COL24A1: variants seen among roughly 807,000 people sequenced by gnomAD.
COL24A1 encodes the protein collagen type XXIV alpha 1 chain, also known as collagen alpha-1(XXIV) chain.
COL24A1 carries 224 observed loss-of-function variants against 253.9 expected under a neutral mutation model. The ratio of observed to expected loss-of-function variants is 0.88; its 90% confidence interval spans 0.79 to 0.99. The LOEUF is 0.99. Among genes scored for constraint, COL24A1 ranks in the 50% least tolerant of loss-of-function variants. The pLI is 0.00. For synonymous variants in COL24A1, 685 were observed against 673.7 expected (o/e 1.02, Z -0.26); for missense variants, 2,131 against 2,068.5 (o/e 1.03, Z -0.59).
intron 5 of COL24A1, among the ~76,000 whole-genome samples, chr1:86,109,612 C>A (rs897098075): frequency 2.0e-5 from 3 of 152,138 alleles, no homozygotes; most frequent in Non-Finnish European, 4.4e-5. Flanking sequence ...TTCTTAACCC[C>A]AATCTATATG....
chr1:85,941,540 T>C (rs1419869366), intron 24 of COL24A1, among the ~76,000 whole-genome samples: 1 of 152,196 alleles, frequency 6.6e-6, no homozygotes, highest in Non-Finnish European at 1.5e-5. Context: ...AACTCTACGA[T>C]TTTAACAATA....
chr1:85,854,335 G>A (rs773066478), intron 37 of COL24A1, among the ~76,000 whole-genome samples: 1 of 152,084 alleles, frequency 6.6e-6, no homozygotes, highest in Non-Finnish European at 1.5e-5. Flanking sequence ...AACTGTTTTT[G>A]TACCAGTACA....
At position 85,988,671 on chromosome 1, in the gene COL24A1, G is replaced by A. The variant is rs534992288; in HGVS notation, c.2311-1017C>T. Among the ~76,000 whole-genome samples, 15 of 152,152 alleles carry A rather than the reference G, an allele frequency of 9.9e-5. 1 individual carries two copies. The East Asian group carries it at 1.5e-3, about 16-fold the overall frequency. ...TAAAACGTGAACATCCACAAGAAAA[G>A]GTAGTTCAGTGAAGGGATAAGTTGT... is the stretch of plus-strand genomic sequence containing the variant. On this transcript the variant is annotated intron_variant, in intron 19 of 59. Coordinates refer to ENST00000370571, the MANE Select transcript of COL24A1 (RefSeq NM_152890.7).
chr1:85,917,837 TGGGACTACA>T (rs1429449799), intron 24 of COL24A1, among the ~76,000 whole-genome samples: 3 of 152,070 alleles, frequency 2.0e-5, no homozygotes, highest in African/African-American at 7.2e-5. Flanking sequence ...CCTGAGCAGC[TGGGACTACA>T]GGCATGCACC....
At chr1:86,085,271 T>C (rs1443013704) in intron 7 of COL24A1, among the ~76,000 whole-genome samples, 1 of 152,178 alleles carries the variant, frequency 6.6e-6, no homozygotes, top group Non-Finnish European at 1.5e-5. Flanking sequence ...GTGTACCTCC[T>C]ATGCAATGAA....
rs369994801 is a variant in COL24A1 at position 85,896,346 on chromosome 1, C to G, written c.2832+10G>C. 1.2e-5 allele frequency: 20 copies of G among 1,610,982 alleles called. No homozygotes were observed. In the African/African-American group the frequency reaches 2.4e-4, roughly 19 times the overall value. ...TAACTACATATGAAATGAGAAAAAT[C>G]AATGATTACCTTGGCACCTTGTATA... is the stretch of plus-strand genomic sequence containing the variant. On this transcript the variant is annotated intron_variant, in intron 29 of 59. Coordinates refer to ENST00000370571, the MANE Select transcript of COL24A1 (RefSeq NM_152890.7).
intron 28 of COL24A1, among the ~76,000 whole-genome samples, chr1:85,901,803 C>G (rs1014600988): frequency 6.9e-5 from 7 of 101,738 alleles, no homozygotes; most frequent in African/African-American, 2.8e-4. Flanking sequence ...CAGGGTGAGA[C>G]AACAGGATGA....
chr1:85,819,406 A>G (rs1673372475), intron 45 of COL24A1, among the ~76,000 whole-genome samples: 1 of 152,204 alleles, frequency 6.6e-6, no homozygotes, highest in South Asian at 2.1e-4. Context: ...TTTCCTTTAC[A>G]GTATTTCTTT....
intron 26 of COL24A1, among the ~76,000 whole-genome samples, chr1:85,909,058 T>C (rs1351274147): frequency 1.3e-5 from 2 of 151,736 alleles, no homozygotes; most frequent in African/African-American, 2.4e-5. Context: ...AGCTCTCTAA[T>C]TAAGCAATGT....
chr1:85,972,221 A>G (rs1414405791), intron 20 of COL24A1, among the ~76,000 whole-genome samples: 2 of 152,152 alleles, frequency 1.3e-5, no homozygotes, highest in African/African-American at 4.8e-5. Context: ...AGTTTTATCT[A>G]ATTTTTAACT....
At chr1:85,862,866 G>T (rs972038017) in intron 37 of COL24A1, among the ~76,000 whole-genome samples, 1 of 152,168 alleles carries the variant, frequency 6.6e-6, no homozygotes, top group Non-Finnish European at 1.5e-5. Flanking sequence ...GTCAATGGTA[G>T]CTTGATGGGG....
chr1:86,119,874 C>A (rs1706551128), intron 3 of COL24A1, among the ~76,000 whole-genome samples: 1 of 152,110 alleles, frequency 6.6e-6, no homozygotes, highest in South Asian at 2.1e-4. Flanking sequence ...AGGCATCACG[C>A]TACCTGACTT....
In COL24A1 at chr1:85,730,498, C is replaced by T. The variant is rs1355962862; in HGVS notation, c.*48G>A. 10 of 1,596,642 alleles carry T rather than the reference C, an allele frequency of 6.3e-6. No homozygotes were observed. Among genetic ancestry groups the T allele is most frequent in the Non-Finnish European group, 8.6e-6 (10 of 1,167,156 alleles). On this transcript the variant is annotated 3_prime_UTR_variant, in exon 60 of 60. Coordinates refer to ENST00000370571, the MANE Select transcript of COL24A1 (RefSeq NM_152890.7). The stretch of plus-strand genomic sequence containing the variant: ...TCTGTCTGTCTTATTTCTCCCTCTG[C>T]AGCAATTACCTGGCCAACAGCCTGA...
At chr1:86,129,448 CA>C (rs997549197) in intron 2 of COL24A1, among the ~76,000 whole-genome samples, 7 of 151,314 alleles carry the variant, frequency 4.6e-5, no homozygotes, top group African/African-American at 1.5e-4. Flanking sequence ...TATCTCTTCC[CA>C]TTTTTTTTTG....
At chr1:85,904,307 T>G (rs2102871378) in intron 28 of COL24A1, among the ~76,000 whole-genome samples, 1 of 152,244 alleles carries the variant, frequency 6.6e-6, no homozygotes, top group Non-Finnish European at 1.5e-5. Context: ...TGAGGTTAAC[T>G]TCGCTCTGTG....
At chr1:86,052,591 G>A (rs1364336126) in intron 10 of COL24A1, among the ~76,000 whole-genome samples, 1 of 151,974 alleles carries the variant, frequency 6.6e-6, no homozygotes, top group Non-Finnish European at 1.5e-5. Context: ...TGGAGAACGG[G>A]GAATTGTTTA....
Position 85,761,422 on chromosome 1 carries a change from C to T in COL24A1, c.4411G>A (p.Gly1471Ser), listed in dbSNP as rs1254482233. 6.2e-7 allele frequency: 1 copy of T among 1,613,894 alleles called. No homozygotes were observed. The highest frequency in any genetic ancestry group is 1.7e-5 in the Admixed American group (1 of 59,978). The change falls in exon 55 of 60, where the codon GGT (glycine) becomes AGT (serine). Residue 1471 changes from glycine (G) to serine (S), a missense_variant and splice_region_variant. Physicochemically the swap from Gly to Ser is moderately conservative, Grantham distance 56. Coordinates refer to ENST00000370571, the MANE Select transcript of COL24A1 (RefSeq NM_152890.7). ...QGPRGQPGPP[G>S]PPGAPGPRKQ... ...CTTGGGCCTGGTGCTCCAGGTGGAC[C>T]CTAGAACACAGCAAATTAAAAAAAA...
chr1:85,778,021 ATC>A (rs144643559), intron 52 of COL24A1, among the ~76,000 whole-genome samples: 2 of 89,246 alleles, frequency 2.2e-5, no homozygotes, highest in South Asian at 4.6e-4. Context: ...ATATGTCTCT[ATC>A]TCTATCTATC....
chr1:86,040,870 AAAAAC>A (rs1397108223), intron 12 of COL24A1, among the ~76,000 whole-genome samples: 3 of 152,130 alleles, frequency 2.0e-5, no homozygotes, highest in Non-Finnish European at 1.5e-5. Context: ...TTCCTAAAAC[AAAAAC>A]AAAACAAAAT....
Sources: allele counts gnomAD v4.1 joint callset (sites outside exome capture counted in the v4.1 genomes callset), GRCh38; gene constraint gnomAD v4.1.1; transcripts MANE v1.5; gene names NCBI Gene and HGNC (gene_info 2026-07-23, HGNC 2026-07-21).